The following CNTLN variants were observed in gnomAD, a reference collection of about 807,000 sequenced individuals.
CNTLN encodes the protein centlein, centrosomal protein.
A neutral mutation model predicts 180.0 loss-of-function variants in CNTLN; 212 were observed. The ratio of observed to expected loss-of-function variants is 1.18; its 90% CI spans 1.05 to 1.32. The LOEUF is 1.32. Ranked by LOEUF, CNTLN falls within the 40% of genes most tolerant of loss-of-function variation. CNTLN has a pLI of 0.00. For missense variants in CNTLN, 2,095 were observed against 1,610.9 expected, an observed-to-expected ratio of 1.30 and a Z score of -5.14; for synonymous variants, 722 against 563.1, an observed-to-expected ratio of 1.28 and a Z score of -3.99.
At chr9:17,395,926 G>T (rs1214542446) in intron 15 of CNTLN, among the ~76,000 whole-genome samples, 1 of 152,188 alleles carries the variant, frequency 6.6e-6, no homozygotes, top group Non-Finnish European at 1.5e-5. Flanking sequence ...CACAGGATGA[G>T]ATAGGAGGTC....
chr9:17,154,738 G>A (rs1261697940), intron 2 of CNTLN, among the ~76,000 whole-genome samples: 8 of 152,150 alleles, frequency 5.3e-5, no homozygotes, highest in African/African-American at 1.4e-4. Context: ...CTGTAAAAAC[G>A]GACCAGTCAG....
At chr9:17,234,078 A>G (rs1179864579) in intron 3 of CNTLN, among the ~76,000 whole-genome samples, 1 of 152,170 alleles carries the variant, frequency 6.6e-6, no homozygotes, top group African/African-American at 2.4e-5. Context: ...CTGATCACAG[A>G]TTATTTTTGT....
chr9:17,520,314 G>C, the CNTLN span, among the ~76,000 whole-genome samples: 1 of 152,214 alleles, frequency 6.6e-6, no homozygotes, highest in South Asian at 2.1e-4. Flanking sequence ...TTTAATAAAG[G>C]AATTAGGGTT....
At chr9:17,357,570 T>A (rs1424514491) in intron 12 of CNTLN, among the ~76,000 whole-genome samples, 1 of 142,604 alleles carries the variant, frequency 7.0e-6, no homozygotes, top group Non-Finnish European at 1.5e-5. Context: ...TGTATATATA[T>A]AAATACTACA....
the CNTLN span, among the ~76,000 whole-genome samples, chr9:17,518,015 GT>G: frequency 3.6e-4 from 36 of 99,682 alleles, no homozygotes; most frequent in African/African-American, 1.2e-3. Context: ...CCTCCATAAA[GT>G]TTTTTTTCTT....
chr9:17,192,524 A>G (rs1821854639), intron 2 of CNTLN, among the ~76,000 whole-genome samples: 1 of 149,442 alleles, frequency 6.7e-6, no homozygotes, highest in East Asian at 2.0e-4. Flanking sequence ...GGCGTGAGCC[A>G]CCACGTCCCG....
intron 1 of CNTLN, among the ~76,000 whole-genome samples, chr9:17,142,463 T>A (rs1183533055): frequency 6.6e-6 from 1 of 152,150 alleles, no homozygotes; most frequent in Non-Finnish European, 1.5e-5. Flanking sequence ...AATTTTTTTT[T>A]GAACAAGTTA....
intron 10 of CNTLN, among the ~76,000 whole-genome samples, chr9:17,334,446 C>G (rs923841382): frequency 7.1e-6 from 1 of 141,394 alleles, no homozygotes; most frequent in African/African-American, 2.6e-5. Context: ...CACACACACA[C>G]AGAACAATTA....
At chr9:17,485,623 C>T (rs1832852465) in intron 24 of CNTLN, among the ~76,000 whole-genome samples, 1 of 152,012 alleles carries the variant, frequency 6.6e-6, no homozygotes, top group Non-Finnish European at 1.5e-5. Flanking sequence ...GAAACCTAAC[C>T]AAAATTTAAG....
chr9:17,309,346 C>T (rs1332908393), intron 8 of CNTLN, 94 bp downstream of exon 8: 10 of 984,524 alleles, frequency 1.0e-5, no homozygotes, highest in Admixed American at 5.5e-5. Flanking sequence ...AATATATTTG[C>T]ATTTATTGGA....
intron 12 of CNTLN, among the ~76,000 whole-genome samples, chr9:17,357,621 CAT>C (rs10668396): frequency 1.4e-5 from 2 of 146,072 alleles, no homozygotes; most frequent in Non-Finnish European, 3.0e-5. Flanking sequence ...ATAAATACTA[CAT>C]ATATATATAG....
downstream of CNTLN, among the ~76,000 whole-genome samples, chr9:17,508,050 G>C (rs1005464341): frequency 6.6e-6 from 1 of 152,158 alleles, no homozygotes; most frequent in African/African-American, 2.4e-5. Flanking sequence ...CACCCAGAGA[G>C]AAGTATTAGA....
chr9:17,452,227 C>A (rs182126305), intron 18 of CNTLN, among the ~76,000 whole-genome samples: 7 of 152,030 alleles, frequency 4.6e-5, no homozygotes, highest in African/African-American at 1.7e-4. Flanking sequence ...TTTCCAAGGG[C>A]CTTGTTTTAT....
chr9:17,443,692 G>A (rs1198399592), intron 18 of CNTLN, among the ~76,000 whole-genome samples: 13 of 148,970 alleles, frequency 8.7e-5, no homozygotes, highest in African/African-American at 2.9e-4. Flanking sequence ...TATACCTATG[G>A]TATATTGAAA....
intron 2 of CNTLN, among the ~76,000 whole-genome samples, chr9:17,205,563 C>G (rs114197085): frequency 0.018 from 2,746 of 152,226 alleles, 80 homozygotes; most frequent in African/African-American, 0.062. Context: ...CACACCAGTT[C>G]TGATGAAGGA....
chr9:17,458,460 T>C (rs1588044062), intron 19 of CNTLN, among the ~76,000 whole-genome samples: 1 of 152,102 alleles, frequency 6.6e-6, no homozygotes, highest in South Asian at 2.1e-4. Context: ...GGACCATTGC[T>C]ATAATGTGAG....
At chr9:17,185,829 G>A (rs1821402406) in intron 2 of CNTLN, among the ~76,000 whole-genome samples, 1 of 150,778 alleles carries the variant, frequency 6.6e-6, no homozygotes, top group Non-Finnish European at 1.5e-5. Flanking sequence ...GTCCTGCTCT[G>A]TTGCCCAGGC....
intron 18 of CNTLN, among the ~76,000 whole-genome samples, chr9:17,426,120 C>A (rs1389084042): frequency 6.6e-6 from 1 of 152,166 alleles, no homozygotes; most frequent in Non-Finnish European, 1.5e-5. Flanking sequence ...GAGCAACCAG[C>A]TGGGTCTAAA....
Position 17,309,214 on chromosome 9 carries a change from C to T in CNTLN, c.1303C>T (p.Pro435Ser). 3 of 1,602,266 alleles carry T rather than the reference C, an allele frequency of 1.9e-6. No individual in the cohort carries two copies. In the South Asian group the frequency reaches 3.4e-5, roughly 18 times the overall value. Residue 435 changes from proline to serine, a missense_variant, in exon 8 of 26, where the codon CCT becomes TCT. Coordinates refer to ENST00000380647, the MANE Select transcript of CNTLN (RefSeq NM_017738.4). ...KLQESQGAPL[P>S]LPQESDPDYS... ...TCAGGAATCACAGGGAGCACCTCTT[C>T]CTTTACCTCAAGAAAGTGATCCAGA...
Sources: allele counts gnomAD v4.1 joint callset (sites outside exome capture counted in the v4.1 genomes callset), GRCh38; gene constraint gnomAD v4.1.1; transcripts MANE v1.5; gene names NCBI Gene and HGNC (gene_info 2026-07-23, HGNC 2026-07-21).